The following PPFIBP1 variants were observed in gnomAD, a reference collection of about 807,000 sequenced individuals.
The protein encoded by PPFIBP1 is PPFIB scaffold protein 1.
In PPFIBP1, 112 loss-of-function variants were observed where a neutral mutation model predicts 137.8. The ratio of observed to expected loss-of-function variants is 0.81; its 90% CI spans 0.70 to 0.95. PPFIBP1 has a LOEUF of 0.95. PPFIBP1 is among the 40% of genes least tolerant of loss of function. PPFIBP1 has a pLI of 0.00. For synonymous variants in PPFIBP1, 378 were observed against 417.3 expected (o/e 0.91, Z 1.15); for missense variants, 1,083 against 1,196.6 (o/e 0.91, Z 1.40).
intron 22 of PPFIBP1, 49 bp from the exon 23 acceptor site, chr12:27,682,338 C>A: frequency 7.6e-7 from 1 of 1,322,714 alleles, no homozygotes; most frequent in Non-Finnish European, 1.1e-6. Flanking sequence ...TTGCCAGTGG[C>A]ACCCAGCCTA....
intron 13 of PPFIBP1, 135 bp downstream of exon 13, chr12:27,667,455 A>G: frequency 2.5e-6 from 2 of 787,594 alleles, no homozygotes; most frequent in Non-Finnish European, 1.8e-6. Context: ...TTATATAAAT[A>G]AATTGACTTT....
intron 17 of PPFIBP1, among the ~76,000 whole-genome samples, chr12:27,675,307 A>G (rs957278180): frequency 6.6e-6 from 1 of 152,192 alleles, no homozygotes; most frequent in African/African-American, 2.4e-5. Context: ...TTGTCTTTTC[A>G]GTTCAATAAA....
intron 12 of PPFIBP1, among the ~76,000 whole-genome samples, chr12:27,666,781 G>A (rs566137107): frequency 1.3e-5 from 2 of 152,116 alleles, no homozygotes; most frequent in Non-Finnish European, 2.9e-5. Context: ...TTCACAATTC[G>A]TTTTTTGTAC....
intron 4 of PPFIBP1, among the ~76,000 whole-genome samples, chr12:27,638,498 G>T (rs10842962): frequency 0.59 from 88,930 of 151,548 alleles, 26,588 homozygotes; most frequent in Admixed American, 0.65. Context: ...TCTGTGTCTT[G>T]GTTTTCTGGT....
At chr12:27,678,575 C>T (rs780965039) in intron 19 of PPFIBP1, among the ~76,000 whole-genome samples, 5 of 151,954 alleles carry the variant, frequency 3.3e-5, no homozygotes, top group Non-Finnish European at 7.4e-5. Context: ...ATTTAAGAGA[C>T]GAGGCCAGGC....
At chr12:27,635,628 A>G (rs2057605576) in intron 4 of PPFIBP1, 2 of 165,600 alleles carry the variant, frequency 1.2e-5, no homozygotes, top group Non-Finnish European at 2.7e-5. Context: ...CCTTTAACCC[A>G]TTTATGCGCA....
chr12:27,592,747 A>G, intron 2 of PPFIBP1: 1 of 925,060 alleles, frequency 1.1e-6, no homozygotes, highest in Non-Finnish European at 1.8e-6. Flanking sequence ...CTGGCTTATC[A>G]TCTGCCAAGA....
At chr12:27,624,009 C>T (rs750829723) in intron 2 of PPFIBP1, among the ~76,000 whole-genome samples, 4 of 152,032 alleles carry the variant, frequency 2.6e-5, no homozygotes, top group African/African-American at 9.7e-5. Flanking sequence ...ATGGAGGTGG[C>T]GGTCAGGCTG....
At chr12:27,568,098 T>G (rs962611877) in intron 1 of PPFIBP1, among the ~76,000 whole-genome samples, 1 of 152,166 alleles carries the variant, frequency 6.6e-6, no homozygotes, top group East Asian at 1.9e-4. Flanking sequence ...TAACTCATCT[T>G]TCCTCTTAAG....
chr12:27,691,533 T>G (rs1190082566), intron 27 of PPFIBP1, among the ~76,000 whole-genome samples: 1 of 152,160 alleles, frequency 6.6e-6, no homozygotes, highest in Non-Finnish European at 1.5e-5. Context: ...ATAACAAGGG[T>G]CATTTATCAT....
Position 27,661,037 on chromosome 12 carries a change from GA to G in PPFIBP1, c.906+94del, listed in dbSNP as rs2059513362. On this transcript the variant is annotated intron_variant, in intron 11 of 29. Coordinates refer to ENST00000228425, the MANE Select transcript of PPFIBP1 (RefSeq NM_003622.4). ...TTTCATGAGCTATGCCATTTTAAAA[GA>G]ACATGCCCAGAACACTGCTAGGAGT... The G allele has an allele frequency of 5.9e-6, 9 of 1,522,154 alleles. 1 individual carries two copies. The highest frequency in any genetic ancestry group is 1.8e-4 in the Middle Eastern group (1 of 5,682). 94.3% of individuals were successfully genotyped at this position (1,522,154 alleles called of 1,614,324 possible). A position where few individuals can be genotyped will look rare whatever the true frequency, so the allele number is the denominator to read the frequency against.
chr12:27,656,839 A>G, intron 9 of PPFIBP1, 109 bp downstream of exon 9: 1 of 719,354 alleles, frequency 1.4e-6, no homozygotes, highest in South Asian at 1.7e-5. Flanking sequence ...AAGAAAGAGC[A>G]GCAGAATCCA....
intron 1 of PPFIBP1, chr12:27,549,484 G>A (rs921517231): frequency 4.0e-5 from 6 of 150,920 alleles, no homozygotes; most frequent in African/African-American, 1.2e-4. Context: ...GAATAAAGAA[G>A]AATTTGTTGG....
intron 2 of PPFIBP1, among the ~76,000 whole-genome samples, chr12:27,626,591 G>T (rs2056836836): frequency 1.3e-5 from 2 of 151,716 alleles, no homozygotes; most frequent in Admixed American, 1.3e-4. Context: ...TTTTGAGATG[G>T]AGTCTCACTC....
intron 24 of PPFIBP1, among the ~76,000 whole-genome samples, chr12:27,684,047 A>G (rs2061047361): frequency 1.3e-5 from 2 of 151,962 alleles, no homozygotes. Context: ...TTGGCCTCCC[A>G]AAGTGCTGGG....
At chr12:27,647,608 T>G in intron 5 of PPFIBP1, 121 bp from the exon 6 acceptor site, 1 of 599,664 alleles carries the variant, frequency 1.7e-6, no homozygotes, top group South Asian at 3.4e-5. Context: ...TCAGATTTTT[T>G]TTTCTTTATA....
chr12:27,661,199 G>A (rs963578248), intron 11 of PPFIBP1, among the ~76,000 whole-genome samples: 9 of 152,174 alleles, frequency 5.9e-5, no homozygotes, highest in African/African-American at 1.2e-4. Flanking sequence ...GCATATTCAC[G>A]TGACATGTAA....
chr12:27,574,090 T>A (rs534951879), intron 1 of PPFIBP1, among the ~76,000 whole-genome samples: 22 of 152,222 alleles, frequency 1.4e-4, no homozygotes, highest in African/African-American at 5.1e-4. Flanking sequence ...TTATTTGGAA[T>A]CATATAAACC....
chr12:27,652,724 T>C (rs953266894), intron 7 of PPFIBP1, among the ~76,000 whole-genome samples: 1 of 152,126 alleles, frequency 6.6e-6, no homozygotes, highest in Non-Finnish European at 1.5e-5. Flanking sequence ...AAGGAAGCTG[T>C]AAAATACAAT....
Sources: gnomAD v4.1 joint callset for allele counts (sites outside exome capture counted in the v4.1 genomes callset) on GRCh38, gnomAD v4.1.1 for gene constraint, MANE v1.5 for transcripts, NCBI Gene and HGNC (gene_info 2026-07-23, HGNC 2026-07-21) for gene names.